RBBP7: variants seen among roughly 807,000 people sequenced by gnomAD.
RBBP7 encodes RB binding protein 7, chromatin remodeling factor, also known as histone-binding protein RBBP7.
RBBP7 carries 5 observed loss-of-function variants against 35.2 expected under a neutral mutation model. That is an observed-to-expected ratio of 0.14 (90% CI 0.07 to 0.30). RBBP7 has a LOEUF of 0.30. RBBP7 is among the 10% of genes least tolerant of loss of function. The probability of loss-of-function intolerance (pLI) is 1.00; values close to 1 mark genes in which losing one functional copy is unlikely to be tolerated. For synonymous variants in RBBP7, 140 were observed against 118.7 expected, an observed-to-expected ratio of 1.18 and a Z score of -1.17; for missense variants, 155 against 327.5, an observed-to-expected ratio of 0.47 and a Z score of 4.07.
intron 3 of RBBP7, among the ~76,000 whole-genome samples, chrX:16,861,442 C>T (rs1930474835): frequency 9.0e-6 from 1 of 111,483 alleles, no homozygotes; most frequent in South Asian, 3.8e-4. Flanking sequence ...CTTCGAACTC[C>T]TGGGCTCAAG....
chrX:16,868,457 C>T (rs960607626), intron 2 of RBBP7, among the ~76,000 whole-genome samples: 1 of 112,008 alleles, frequency 8.9e-6, no homozygotes, highest in Admixed American at 9.5e-5. Flanking sequence ...AACAACAGGA[C>T]GTAGATTCTT....
chrX:16,854,198 A>T (rs1449119302), intron 5 of RBBP7, among the ~76,000 whole-genome samples: 1 of 112,049 alleles, frequency 8.9e-6, no homozygotes, highest in African/African-American at 3.2e-5. Context: ...GATTGAATTT[A>T]AATGCTAACA....
Position 16,869,177 on chromosome X carries a change from A to G in RBBP7, c.60T>C (p.Tyr20=), listed in dbSNP as rs1291448040. ...ACGGTGTATTCTTCTTCCAGATTTTATATTCTTCATTGATGACACGCTCCT... is the reference window on the plus strand; with the variant it reads ...ACGGTGTATTCTTCTTCCAGATTTTGTATTCTTCATTGATGACACGCTCCT... ...TVEERVINEE[Y]KIWKKNTPFL... Residue 20 remains tyrosine, a synonymous_variant, in exon 2 of 12, where the codon TAT becomes TAC. Transcript: ENST00000380087. 1 of 1,209,794 alleles carries G rather than the reference A, an allele frequency of 8.3e-7. No homozygotes were observed. Among genetic ancestry groups the G allele is most frequent in the Non-Finnish European group, 1.1e-6 (1 of 894,199 alleles).
chrX:16,869,578 C>T (rs1236004664), intron 1 of RBBP7: 1 of 1,166,761 alleles, frequency 8.6e-7, no homozygotes, highest in Admixed American at 2.6e-5. Context: ...AGCCCACAGG[C>T]CTGGTCTCTC....
intron 5 of RBBP7, among the ~76,000 whole-genome samples, chrX:16,854,327 T>C: frequency 9.0e-6 from 1 of 110,767 alleles, no homozygotes; most frequent in South Asian, 3.8e-4. Context: ...CCATGTGAGG[T>C]GCAGAGGAAA....
chrX:16,870,106 C>A lies in RBBP7; in HGVS notation c.-53G>T. 1.9e-6 allele frequency: 2 copies of A among 1,060,328 alleles called. No individual in the cohort carries two copies. The highest frequency in any genetic ancestry group is 2.5e-5 in the South Asian group (1 of 39,947). The allele number at this position is 1,060,328 out of a possible 1,213,427, so 87.4% of individuals were successfully genotyped here. A position where few individuals can be genotyped will look rare whatever the true frequency, so the allele number is the denominator to read the frequency against. ...GCCGCCTCGGACTCCTCTCGTTAGC[C>A]AAGAGCAGCCCGACCGCTGGCGCTC... On this transcript the variant is annotated 5_prime_UTR_variant, in exon 1 of 12. Transcript: ENST00000380087.
chrX:16,857,561 A>G (rs1930380127), intron 5 of RBBP7, 33 bp downstream of exon 5: 2 of 1,208,985 alleles, frequency 1.7e-6, no homozygotes, highest in Non-Finnish European at 2.2e-6. Context: ...AGCTCTCACT[A>G]TATGAACAAA....
At chrX:16,850,779 C>T (rs1425432709) in intron 9 of RBBP7, among the ~76,000 whole-genome samples, 2 of 111,992 alleles carry the variant, frequency 1.8e-5, no homozygotes, top group African/African-American at 3.2e-5. Flanking sequence ...AAATCCAAAA[C>T]TTTAAGCACC....
At chrX:16,849,436 A>C in intron 9 of RBBP7, 135 bp from the exon 10 acceptor site, 1 of 523,746 alleles carries the variant, frequency 1.9e-6, no homozygotes, top group Non-Finnish European at 3.0e-6. Context: ...CTATACTACA[A>C]TCAATTAGGT....
intron 11 of RBBP7, 108 bp from the exon 12 acceptor site, chrX:16,845,211 T>C (rs1263911416): frequency 3.5e-6 from 2 of 576,537 alleles, no homozygotes; most frequent in Non-Finnish European, 5.5e-6. Flanking sequence ...TTTTTACATT[T>C]CTCTCTTAAA....
intron 2 of RBBP7, among the ~76,000 whole-genome samples, chrX:16,864,353 C>G (rs1199566866): frequency 3.6e-5 from 4 of 110,053 alleles, no homozygotes. Context: ...AACCCCATCT[C>G]TATTAAAAAT....
intron 5 of RBBP7, among the ~76,000 whole-genome samples, chrX:16,854,127 G>A (rs1319416597): frequency 1.8e-5 from 2 of 111,444 alleles, no homozygotes; most frequent in Non-Finnish European, 3.8e-5. Flanking sequence ...CAAGTGATCC[G>A]CCTGCCTTGG....
intron 3 of RBBP7, among the ~76,000 whole-genome samples, chrX:16,861,123 G>A (rs1186550810): frequency 4.5e-5 from 5 of 111,798 alleles, no homozygotes; most frequent in Non-Finnish European, 7.5e-5. Flanking sequence ...GCAGTGAGCC[G>A]AGATTGCACC....
In RBBP7 at chrX:16,870,208, C is replaced by T. The variant is rs956852141; in HGVS notation, c.-155G>A. 4 of 721,474 alleles carry T rather than the reference C, an allele frequency of 5.5e-6. No individual in the cohort carries two copies. The Admixed American group carries it at 1.9e-4, about 35-fold the overall frequency. 59.5% of individuals were successfully genotyped at this position (721,474 alleles called of 1,213,427 possible). On this transcript the variant is annotated 5_prime_UTR_variant, in exon 1 of 12. Transcript: ENST00000380087. ...TCTTGCTGCCTGGGTGCTCCCCAGA[C>T]GCCGCGTCCTTCTTTCCTGCCTCCT...
intron 5 of RBBP7, among the ~76,000 whole-genome samples, chrX:16,855,744 C>T (rs1988420441): frequency 9.0e-6 from 1 of 110,728 alleles, no homozygotes; most frequent in Non-Finnish European, 1.9e-5. Context: ...AGCCTATAAT[C>T]CCAGCTCTTT....
At chrX:16,862,929 A>G in intron 3 of RBBP7, 26 bp downstream of exon 3, 1 of 1,195,489 alleles carries the variant, frequency 8.4e-7, no homozygotes, top group South Asian at 1.8e-5. Flanking sequence ...CTTTGACACC[A>G]ATATTGGAAT....
intron 2 of RBBP7, among the ~76,000 whole-genome samples, chrX:16,864,073 A>G (rs1226576956): frequency 9.1e-6 from 1 of 109,711 alleles, no homozygotes; most frequent in Non-Finnish European, 1.9e-5. Context: ...CTAGGCAAGT[A>G]ATTTAGTAAT....
At chrX:16,856,536 C>A (rs956607316) in intron 5 of RBBP7, among the ~76,000 whole-genome samples, 21 of 97,882 alleles carry the variant, frequency 2.1e-4, no homozygotes, top group African/African-American at 6.2e-4. Context: ...TCTCAAAAAA[C>A]AAACAAAACA....
intron 9 of RBBP7, among the ~76,000 whole-genome samples, chrX:16,851,774 T>A (rs1343643943): frequency 8.9e-6 from 1 of 112,816 alleles, no homozygotes; most frequent in East Asian, 2.8e-4. Flanking sequence ...AATACAGTCA[T>A]TTGAATGCAA....
Sources: allele counts gnomAD v4.1 joint callset (sites outside exome capture counted in the v4.1 genomes callset), GRCh38; gene constraint gnomAD v4.1.1; transcripts MANE v1.5; gene names NCBI Gene and HGNC (gene_info 2026-07-23, HGNC 2026-07-21).